LUZP2: variants seen among roughly 807,000 people sequenced by gnomAD.
LUZP2 encodes leucine zipper protein 2.
In LUZP2, 52 loss-of-function variants were observed where a neutral mutation model predicts 51.6. That is an observed-to-expected ratio of 1.01 (90% CI 0.81 to 1.27). The LOEUF (loss-of-function observed/expected upper bound fraction) is 1.27. LUZP2 is among the 50% of genes most tolerant of loss of function. The pLI is 0.00. For missense variants in LUZP2, 436 were observed against 395.4 expected (o/e 1.10, Z -0.87); for synonymous variants, 154 against 137.3 (o/e 1.12, Z -0.85).
intron 4 of LUZP2, among the ~76,000 whole-genome samples, chr11:24,762,299 A>G (rs1860010668): frequency 6.6e-6 from 1 of 152,286 alleles, no homozygotes; most frequent in Admixed American, 6.5e-5. Context: ...GAGGCTATTG[A>G]GCATTAGAAA....
chr11:24,814,785 G>A (rs1850124947), intron 5 of LUZP2, among the ~76,000 whole-genome samples: 1 of 152,142 alleles, frequency 6.6e-6, no homozygotes, highest in South Asian at 2.1e-4. Context: ...GAGATCAGGA[G>A]ATCCAGACCA....
chr11:25,073,256 C>T (rs913845466), intron 10 of LUZP2, among the ~76,000 whole-genome samples: 1 of 152,176 alleles, frequency 6.6e-6, no homozygotes, highest in African/African-American at 2.4e-5. Flanking sequence ...GGTGCCTAGA[C>T]AGCTGTAGTT....
intron 10 of LUZP2, among the ~76,000 whole-genome samples, chr11:25,073,985 C>T (rs1037118297): frequency 6.6e-6 from 1 of 152,136 alleles, no homozygotes; most frequent in African/African-American, 2.4e-5. Context: ...ATAACTTGAT[C>T]AAGGTCATCA....
At chr11:24,731,880 G>A (rs1459679218) in intron 2 of LUZP2, among the ~76,000 whole-genome samples, 2 of 151,696 alleles carry the variant, frequency 1.3e-5, no homozygotes, top group Non-Finnish European at 3.0e-5. Context: ...TTGGAGAGTA[G>A]TTTCTCCTCC....
chr11:24,512,724 T>A (rs1850348602), intron 1 of LUZP2, among the ~76,000 whole-genome samples: 1 of 151,952 alleles, frequency 6.6e-6, no homozygotes, highest in African/African-American at 2.4e-5. Context: ...GTCTTTTAAT[T>A]CCTGAATTTA....
chr11:24,500,524 A>G (rs1044015412), intron 1 of LUZP2, among the ~76,000 whole-genome samples: 11 of 152,322 alleles, frequency 7.2e-5, no homozygotes, highest in Middle Eastern at 3.4e-3. Context: ...GAAGCAGTAT[A>G]GGTATTGAAA....
intron 7 of LUZP2, among the ~76,000 whole-genome samples, chr11:24,960,285 C>A (rs1399924173): frequency 6.6e-6 from 1 of 152,094 alleles, no homozygotes; most frequent in African/African-American, 2.4e-5. Flanking sequence ...AGGGAGGATT[C>A]CCTCTTTTTC....
At position 24,785,163 on chromosome 11, in the gene LUZP2, C is replaced by A. The variant is rs530652609; in HGVS notation, c.396+21855C>A. On this transcript the variant is annotated intron_variant, in intron 5 of 11. Coordinates refer to ENST00000336930, the MANE Select transcript of LUZP2 (RefSeq NM_001009909.4). ...GACCTCTCCTGCATAAACTGATTGA[C>A]TTTATCATCTGTTCCCATCACATTT... Among the ~76,000 whole-genome samples, 828 of 152,098 alleles carry A rather than the reference C, an allele frequency of 5.4e-3. 3 individuals are homozygous for A. Among genetic ancestry groups the A allele is most frequent in the Non-Finnish European group, 7.4e-3 (500 of 67,956 alleles).
chr11:25,011,275 A>G (rs776476752), intron 9 of LUZP2, among the ~76,000 whole-genome samples: 10 of 152,236 alleles, frequency 6.6e-5, no homozygotes, highest in Non-Finnish European at 1.3e-4. Flanking sequence ...GTACATGAGC[A>G]TCTGTATCTC....
chr11:24,503,356 G>A (rs1334358058), intron 1 of LUZP2, among the ~76,000 whole-genome samples: 1 of 152,128 alleles, frequency 6.6e-6, no homozygotes, highest in Non-Finnish European at 1.5e-5. Context: ...TAGATGAAAG[G>A]TACAGATCAT....
At chr11:24,528,200 G>T (rs16912710) in intron 1 of LUZP2, among the ~76,000 whole-genome samples, 5,052 of 151,090 alleles carry the variant, frequency 0.033, 260 homozygotes, top group African/African-American at 0.11. Context: ...TGTTTCAAGG[G>T]TTACTAGTTT....
chr11:24,821,022 A>C (rs1850342142), intron 5 of LUZP2, among the ~76,000 whole-genome samples: 1 of 152,124 alleles, frequency 6.6e-6, no homozygotes, highest in South Asian at 2.1e-4. Context: ...TGGAGTGTAG[A>C]ATATTTTGGA....
rs145187422 is a variant in LUZP2 at position 24,775,372 on chromosome 11, T to C, written c.396+12064T>C. The stretch of plus-strand genomic sequence containing the variant: ...GCCAGCTTACTTGCAAAGAAAATAT[T>C]TGTGGTTCCCAAATCAATGCTGTAA... On this transcript the variant is annotated intron_variant, in intron 5 of 11. Transcript: ENST00000336930. Among the ~76,000 whole-genome samples, 524 of 152,276 alleles carry C rather than the reference T, an allele frequency of 3.4e-3. 3 individuals are homozygous for C. Among genetic ancestry groups the C allele is most frequent in the Middle Eastern group, 6.8e-3 (2 of 294 alleles).
At chr11:24,721,840 G>C (rs1327563024) in intron 1 of LUZP2, among the ~76,000 whole-genome samples, 1 of 152,016 alleles carries the variant, frequency 6.6e-6, no homozygotes, top group African/African-American at 2.4e-5. Context: ...AGACAATCTT[G>C]AAGAAAATAA....
chr11:24,765,406 T>C (rs1184252403), intron 5 of LUZP2, among the ~76,000 whole-genome samples: 3 of 152,120 alleles, frequency 2.0e-5, no homozygotes, highest in Admixed American at 6.5e-5. Flanking sequence ...ATTAGGGAAG[T>C]GCCAAAAGAT....
intron 7 of LUZP2, among the ~76,000 whole-genome samples, chr11:24,967,624 C>T (rs913257156): frequency 1.3e-5 from 2 of 151,712 alleles, no homozygotes; most frequent in African/African-American, 4.8e-5. Context: ...ATTAGTATCA[C>T]GTCATATCTA....
chr11:25,018,657 G>A (rs1027490644), intron 9 of LUZP2, among the ~76,000 whole-genome samples: 11 of 149,028 alleles, frequency 7.4e-5, no homozygotes, highest in African/African-American at 2.7e-4. Flanking sequence ...GCCCAGGCTG[G>A]AGTGCAGGAC....
At chr11:24,844,228 C>A (rs1590628137) in intron 5 of LUZP2, among the ~76,000 whole-genome samples, 1 of 152,098 alleles carries the variant, frequency 6.6e-6, no homozygotes, top group Non-Finnish European at 1.5e-5. Flanking sequence ...CTGAGGTGGT[C>A]TCAGATGCAG....
chr11:24,631,246 T>C (rs1590268263), intron 1 of LUZP2, among the ~76,000 whole-genome samples: 1 of 151,950 alleles, frequency 6.6e-6, no homozygotes, highest in Non-Finnish European at 1.5e-5. Context: ...GTGGTGAAAG[T>C]GGGCATTGTT....
Sources: allele counts gnomAD v4.1 joint callset (sites outside exome capture counted in the v4.1 genomes callset), GRCh38; gene constraint gnomAD v4.1.1; transcripts MANE v1.5; gene names NCBI Gene and HGNC (gene_info 2026-07-23, HGNC 2026-07-21).